The following USP12 variants were observed in gnomAD, a reference collection of about 807,000 sequenced individuals.
The protein encoded by USP12 is ubiquitin specific peptidase 12, also known as ubiquitin carboxyl-terminal hydrolase 12.
A neutral mutation model predicts 45.5 loss-of-function variants in USP12; 19 were observed. The observed-to-expected ratio is 0.42, with a 90% CI of 0.29 to 0.61. USP12 has a LOEUF of 0.61. Among genes scored for constraint, USP12 ranks in the 20% least tolerant of loss-of-function variants. USP12 has a pLI of 0.22. For synonymous variants in USP12, 149 were observed against 148.8 expected (o/e 1.00, Z -0.01); for missense variants, 242 against 447.7 (o/e 0.54, Z 4.15).
At chr13:27,144,866 C>T (rs1877241658) in intron 1 of USP12, among the ~76,000 whole-genome samples, 2 of 150,924 alleles carry the variant, frequency 1.3e-5, no homozygotes, top group Non-Finnish European at 2.9e-5. Context: ...TCGAGACCAG[C>T]CCGGGTAATA....
intron 6 of USP12, among the ~76,000 whole-genome samples, chr13:27,081,327 CAGG>C (rs1873747845): frequency 1.3e-5 from 2 of 152,156 alleles, no homozygotes; most frequent in African/African-American, 2.4e-5. Context: ...GCATGTTAAC[CAGG>C]AGTAGATTCC....
intron 1 of USP12, among the ~76,000 whole-genome samples, chr13:27,165,223 GAAAT>G (rs1240321917): frequency 2.6e-5 from 4 of 151,864 alleles, no homozygotes; most frequent in Non-Finnish European, 2.9e-5. Flanking sequence ...CCAGATAAAA[GAAAT>G]AAATTATTCT....
rs572774639 is a variant in USP12, at chr13:27,067,726, A to G, written c.*1557T>C. ...TCAACAGTTTTAGCAAAAGGACTTT[A>G]GAAAATGACAATTTTTTTTAAATTT... On this transcript the variant is annotated 3_prime_UTR_variant, in exon 9 of 9. Transcript: ENST00000282344. 6.6e-6 allele frequency: 1 copy of G among 152,328 alleles called. No homozygotes were observed. Among genetic ancestry groups the G allele is most frequent in the African/African-American group, 2.4e-5 (1 of 41,582 alleles). 9.4% of individuals were successfully genotyped at this position (152,328 alleles called of 1,614,324 possible). A position where few individuals can be genotyped will look rare whatever the true frequency, so the allele number is the denominator to read the frequency against.
At position 27,112,215 on chromosome 13, in the gene USP12, T is replaced by G. The variant is rs540838370; in HGVS notation, c.129+4301A>C. 9.8e-4 allele frequency among the ~76,000 whole-genome samples: 149 copies of G among 152,182 alleles called. 1 individual carries two copies. Among genetic ancestry groups the G allele is most frequent in the South Asian group, 5.2e-3 (25 of 4,812 alleles). On this transcript the variant is annotated intron_variant, in intron 2 of 8. Transcript: ENST00000282344. ...AATACAGCACCTACCTCTTAGAATT[T>G]CTTAAATAATTAAATGAATCATCAC...
chr13:27,091,955 C>A (rs1028668491), intron 4 of USP12, among the ~76,000 whole-genome samples: 1 of 152,216 alleles, frequency 6.6e-6, no homozygotes, highest in African/African-American at 2.4e-5. Context: ...GTCTACTATT[C>A]TCTGGCTGGC....
intron 3 of USP12, among the ~76,000 whole-genome samples, chr13:27,097,092 G>C (rs1431316061): frequency 6.6e-6 from 1 of 151,240 alleles, no homozygotes; most frequent in African/African-American, 2.4e-5. Flanking sequence ...TCTTATAAAT[G>C]GCAATCAATT....
At chr13:27,156,882 C>T (rs1195588779) in intron 1 of USP12, among the ~76,000 whole-genome samples, 1 of 151,478 alleles carries the variant, frequency 6.6e-6, no homozygotes, top group Non-Finnish European at 1.5e-5. Flanking sequence ...GGGGAAGAAG[C>T]ATCTACACCT....
chr13:27,164,795 T>A (rs1878278769), intron 1 of USP12, among the ~76,000 whole-genome samples: 1 of 152,184 alleles, frequency 6.6e-6, no homozygotes, highest in Non-Finnish European at 1.5e-5. Context: ...AAGTATGGTG[T>A]AGATATGTAA....
At chr13:27,133,626 CAA>C (rs11365356) in intron 1 of USP12, among the ~76,000 whole-genome samples, 11,979 of 103,470 alleles carry the variant, frequency 0.12, 392 homozygotes, top group Middle Eastern at 0.17. Context: ...GACTCTGTCT[CAA>C]AAAAAAAAAA....
intron 1 of USP12, among the ~76,000 whole-genome samples, chr13:27,137,506 T>C (rs1367430299): frequency 6.6e-6 from 1 of 152,200 alleles, no homozygotes; most frequent in Non-Finnish European, 1.5e-5. Context: ...TGTAAATAGA[T>C]AGATGTATAC....
intron 1 of USP12, among the ~76,000 whole-genome samples, chr13:27,154,227 G>A (rs1232302802): frequency 2.6e-5 from 4 of 152,060 alleles, no homozygotes; most frequent in Admixed American, 2.6e-4. Flanking sequence ...AAATATAAAA[G>A]GTTCTGATGT....
At chr13:27,106,792 A>C (rs576951100) in intron 2 of USP12, among the ~76,000 whole-genome samples, 19 of 152,298 alleles carry the variant, frequency 1.2e-4, no homozygotes, top group African/African-American at 3.6e-4. Context: ...AGATGGATAA[A>C]AATGAGACTT....
intron 6 of USP12, among the ~76,000 whole-genome samples, chr13:27,086,197 A>AATATATATATATATATATATAT (rs1555233236): frequency 2.1e-4 from 12 of 56,914 alleles, no homozygotes; most frequent in Non-Finnish European, 2.5e-4. Flanking sequence ...AAAAAAAAAA[A>AATATATATATATATATATATAT]ATATATATAT....
rs575697652 is a variant in USP12, at chr13:27,097,083, C to A, written c.344-1253G>T. ...ATAAAAGAAAACCAAACTGGACAAT[C>A]TTATAAATGGCAATCAATTTATAAG... On this transcript the variant is annotated intron_variant, in intron 3 of 8. Coordinates refer to ENST00000282344, the MANE Select transcript of USP12 (RefSeq NM_182488.4). Among the ~76,000 whole-genome samples the A allele has an allele frequency of 7.3e-4, 110 of 150,982 alleles. 2 individuals carry two copies. The highest frequency in any genetic ancestry group is 1.4e-3 in the East Asian group (7 of 5,134).
At position 27,142,032 on chromosome 13, in the gene USP12, G is replaced by C. The variant is rs529927720; in HGVS notation, c.49-25436C>G. Among the ~76,000 whole-genome samples the C allele has an allele frequency of 4.6e-5, 7 of 152,296 alleles. No homozygotes were observed. In the East Asian group the frequency reaches 1.4e-3, roughly 29 times the overall value. On this transcript the variant is annotated intron_variant, in intron 1 of 8. Transcript: ENST00000282344. ...AGCCACTTGCAAGGCTGAAGCAGGA[G>C]AATTGCTTGAACTCAGGAGGCAGAG...
At chr13:27,113,544 A>C (rs1384769693) in intron 2 of USP12, among the ~76,000 whole-genome samples, 1 of 152,168 alleles carries the variant, frequency 6.6e-6, no homozygotes, top group Non-Finnish European at 1.5e-5. Context: ...TGAGTACCTC[A>C]CCCAGAAGTC....
At chr13:27,133,082 GC>G (rs1416849169) in intron 1 of USP12, among the ~76,000 whole-genome samples, 1 of 152,164 alleles carries the variant, frequency 6.6e-6, no homozygotes, top group Non-Finnish European at 1.5e-5. Flanking sequence ...TCTCTCTCCT[GC>G]TGTAACTTTT....
intron 1 of USP12, among the ~76,000 whole-genome samples, chr13:27,138,936 C>G (rs1876930544): frequency 6.6e-6 from 1 of 152,276 alleles, no homozygotes; most frequent in East Asian, 1.9e-4. Context: ...TAATAGCATG[C>G]CTTTCCATTC....
chr13:27,123,297 C>G (rs115901735), intron 1 of USP12, among the ~76,000 whole-genome samples: 265 of 152,260 alleles, frequency 1.7e-3, no homozygotes, highest in African/African-American at 6.2e-3. Flanking sequence ...AGATGTAAAA[C>G]TTCTGTCTAT....
Sources: gnomAD v4.1 joint callset for allele counts (sites outside exome capture counted in the v4.1 genomes callset) on GRCh38, gnomAD v4.1.1 for gene constraint, MANE v1.5 for transcripts, NCBI Gene and HGNC (gene_info 2026-07-23, HGNC 2026-07-21) for gene names.